LIPA: variants seen among roughly 807,000 people sequenced by gnomAD.
LIPA encodes lipase A, lysosomal acid type.
In LIPA, 26 loss-of-function variants were observed where a neutral mutation model predicts 40.6. That is an observed-to-expected ratio of 0.64 (90% CI 0.47 to 0.89). The LOEUF (loss-of-function observed/expected upper bound fraction) is 0.89. Among genes scored for constraint, LIPA ranks in the 40% least tolerant of loss-of-function variants. LIPA has a pLI of 0.00. For synonymous variants in LIPA, 188 were observed against 168.4 expected, an observed-to-expected ratio of 1.12 and a Z score of -0.90; for missense variants, 455 against 479.6, an observed-to-expected ratio of 0.95 and a Z score of 0.48.
intron 2 of LIPA, among the ~76,000 whole-genome samples, chr10:89,359,089 G>T (rs1844004917): frequency 6.6e-6 from 1 of 152,160 alleles, no homozygotes; most frequent in Non-Finnish European, 1.5e-5. Context: ...CAGGTGAGCT[G>T]CCCTTTTGTC....
chr10:89,260,820 G>C (rs758678831), intron 1 of LIPA, among the ~76,000 whole-genome samples: 2 of 152,212 alleles, frequency 1.3e-5, no homozygotes, highest in Non-Finnish European at 2.9e-5. Flanking sequence ...GTATCGGTTG[G>C]AAGCGCTGAT....
chr10:89,339,836 A>G lies in LIPA; in HGVS notation c.-2+2775T>C, dbSNP rs34407818. Reference sequence around the variant, plus strand: ...TTGTCCATAAGCAAAAAATCAACTGACAAGGAAGAGATCAAAGACCAACCA... The same window carrying G: ...TTGTCCATAAGCAAAAAATCAACTGGCAAGGAAGAGATCAAAGACCAACCA... On this transcript the variant is annotated intron_variant, in intron 1 of 5. Coordinates refer to the LIPA transcript ENST00000282673. 13,687 of 1,614,196 alleles carry G rather than the reference A, an allele frequency of 8.5e-3. 808 individuals are homozygous for G. In the African/African-American group the frequency reaches 0.14, roughly 17 times the overall value.
At chr10:89,223,066 C>T (rs530815647) in intron 7 of LIPA, among the ~76,000 whole-genome samples, 1 of 152,206 alleles carries the variant, frequency 6.6e-6, no homozygotes, top group African/African-American at 2.4e-5. Context: ...AATGGGTTTA[C>T]ATTTTATAAA....
chr10:89,305,961 G>A (rs764839382), intron 1 of LIPA: 1 of 1,605,684 alleles, frequency 6.2e-7, no homozygotes, highest in Non-Finnish European at 8.5e-7. Context: ...TTTCCCTACA[G>A]TGAGAACAAT....
At chr10:89,263,166 T>C (rs1843219499) in intron 1 of LIPA, among the ~76,000 whole-genome samples, 1 of 152,176 alleles carries the variant, frequency 6.6e-6, no homozygotes. Flanking sequence ...CCTCCAAGAC[T>C]CCCTCAGTGA....
chr10:89,403,552 T>C, intron 2 of LIPA: 5 of 1,613,982 alleles, frequency 3.1e-6, no homozygotes, highest in Non-Finnish European at 4.2e-6. Context: ...AAGAAATTGG[T>C]TTTAAGGAAA....
intron 1 of LIPA, among the ~76,000 whole-genome samples, chr10:89,330,399 C>G (rs573236238): frequency 3.9e-5 from 6 of 152,236 alleles, no homozygotes; most frequent in Non-Finnish European, 8.8e-5. Flanking sequence ...TCATCTGACT[C>G]TATGCCCAAT....
At chr10:89,227,792 G>A (rs1842789705) in intron 4 of LIPA, among the ~76,000 whole-genome samples, 1 of 152,204 alleles carries the variant, frequency 6.6e-6, no homozygotes, top group African/African-American at 2.4e-5. Flanking sequence ...GGAGGCTTAT[G>A]TAAGATGTCC....
At chr10:89,353,362 T>A (rs144656703) in intron 2 of LIPA, among the ~76,000 whole-genome samples, 1 of 152,290 alleles carries the variant, frequency 6.6e-6, no homozygotes, top group Non-Finnish European at 1.5e-5. Context: ...CAAGTGAGCA[T>A]GTGCACAATT....
At chr10:89,381,167 G>T (rs539495040) in intron 2 of LIPA, among the ~76,000 whole-genome samples, 2 of 152,282 alleles carry the variant, frequency 1.3e-5, no homozygotes, top group African/African-American at 4.8e-5. Flanking sequence ...AGCTTGGAAT[G>T]GCTTATCTTC....
At position 89,366,816 on chromosome 10, in the gene LIPA, C is replaced by T. The variant is rs867641630; in HGVS notation, c.61+45975G>A. Among the ~76,000 whole-genome samples, 15 of 152,312 alleles carry T rather than the reference C, an allele frequency of 9.8e-5. No homozygotes were observed. In the South Asian group the frequency reaches 1.0e-3, roughly 11 times the overall value. Reference sequence around the variant, plus strand: ...GAAATACCATTTGACCCAGCCATCCCATTACTGGGTATATACCCAAAGGAT... The same window carrying T: ...GAAATACCATTTGACCCAGCCATCCTATTACTGGGTATATACCCAAAGGAT... On this transcript the variant is annotated intron_variant, in intron 2 of 8. Coordinates refer to the LIPA transcript ENST00000371837.
chr10:89,407,525 A>G (rs1841431912), intron 2 of LIPA, among the ~76,000 whole-genome samples: 2 of 152,218 alleles, frequency 1.3e-5, no homozygotes, highest in South Asian at 4.1e-4. Flanking sequence ...AGCAGGCCTA[A>G]CAAAAGCTAT....
chr10:89,365,882 C>T (rs1465493164), intron 2 of LIPA, among the ~76,000 whole-genome samples: 3 of 152,250 alleles, frequency 2.0e-5, no homozygotes, highest in Non-Finnish European at 2.9e-5. Flanking sequence ...AGTCAGGTAG[C>T]ATGAAGCCTC....
At chr10:89,302,056 G>A in intron 1 of LIPA, 9 of 1,595,472 alleles carry the variant, frequency 5.6e-6, no homozygotes, top group Non-Finnish European at 7.7e-6. Context: ...GGCAGAAGAG[G>A]AAGATTTCTG....
chr10:89,403,878 CAG>C (rs149781102), intron 2 of LIPA: 7 of 564,412 alleles, frequency 1.2e-5, no homozygotes, highest in African/African-American at 1.9e-5. Flanking sequence ...ATTAGTGAAA[CAG>C]AATGTGTGTA....
At chr10:89,337,993 T>G (rs1159113502) in intron 1 of LIPA, among the ~76,000 whole-genome samples, 5 of 152,202 alleles carry the variant, frequency 3.3e-5, no homozygotes, top group Admixed American at 6.5e-5. Flanking sequence ...GGCTTTGTGT[T>G]AGGTGACTTT....
chr10:89,220,393 A>G (rs567906473), intron 8 of LIPA, among the ~76,000 whole-genome samples: 29 of 152,304 alleles, frequency 1.9e-4, no homozygotes, highest in South Asian at 1.5e-3. Context: ...GGTCCTAGGC[A>G]TCCTCAAAAA....
intron 1 of LIPA, among the ~76,000 whole-genome samples, chr10:89,287,866 C>A (rs535913095): frequency 4.6e-5 from 7 of 152,274 alleles, no homozygotes; most frequent in Admixed American, 4.6e-4. Flanking sequence ...TTTGCCTATC[C>A]ACCCTGTAGT....
At chr10:89,320,891 C>G (rs1843567549) in intron 1 of LIPA, among the ~76,000 whole-genome samples, 2 of 151,940 alleles carry the variant, frequency 1.3e-5, no homozygotes, top group South Asian at 4.1e-4. Context: ...TGGAACAGAA[C>G]AGAGCCCTCA....
Sources: gnomAD v4.1 joint callset for allele counts (sites outside exome capture counted in the v4.1 genomes callset) on GRCh38, gnomAD v4.1.1 for gene constraint, MANE v1.5 for transcripts, NCBI Gene and HGNC (gene_info 2026-07-23, HGNC 2026-07-21) for gene names.